Variants in FAM193A observed in about 807,000 individuals in gnomAD.
FAM193A encodes the protein family with sequence similarity 193 member A.
FAM193A carries 22 observed loss-of-function variants against 126.5 expected under a neutral mutation model. That is an observed-to-expected ratio of 0.17 (90% confidence interval 0.12 to 0.25). The LOEUF (loss-of-function observed/expected upper bound fraction) is 0.25, where lower values mean the gene tolerates loss of function less well. Among genes scored for constraint, FAM193A ranks in the 10% least tolerant of loss-of-function variants. The pLI, the probability that FAM193A is intolerant of heterozygous loss-of-function variation, is 1.00. For synonymous variants in FAM193A, 761 were observed against 646.8 expected (o/e 1.18, Z -2.68); for missense variants, 1,675 against 1,672.8 (o/e 1.00, Z -0.02).
intron 20 of FAM193A, among the ~76,000 whole-genome samples, chr4:2,721,369 T>G (rs1224168174): frequency 6.8e-6 from 1 of 146,882 alleles, no homozygotes; most frequent in Non-Finnish European, 1.5e-5. Flanking sequence ...ATGCCTGTAG[T>G]CCCAGCTACT....
chr4:2,630,338 AAAGAT>A (rs1184342068), intron 4 of FAM193A, among the ~76,000 whole-genome samples: 1 of 151,900 alleles, frequency 6.6e-6, no homozygotes, highest in African/African-American at 2.4e-5. Flanking sequence ...GTTAAAAAAA[AAAGAT>A]AAACTGTGTC....
intron 4 of FAM193A, among the ~76,000 whole-genome samples, chr4:2,629,230 A>G (rs1046642327): frequency 1.3e-5 from 2 of 152,050 alleles, no homozygotes; most frequent in Non-Finnish European, 2.9e-5. Context: ...AAAAAAAAAA[A>G]AGAGATCTAA....
chr4:2,632,426 A>G (rs1485497683), intron 5 of FAM193A, among the ~76,000 whole-genome samples: 1 of 152,168 alleles, frequency 6.6e-6, no homozygotes, highest in Non-Finnish European at 1.5e-5. Flanking sequence ...AATTAAATTA[A>G]CCAGGCGTGA....
intron 13 of FAM193A, among the ~76,000 whole-genome samples, chr4:2,672,587 G>T (rs1713947247): frequency 6.6e-6 from 1 of 152,170 alleles, no homozygotes; most frequent in African/African-American, 2.4e-5. Context: ...CAACTGTGAA[G>T]GTCATAGTTC....
chr4:2,541,474 T>G (rs1397532276), intron 1 of FAM193A, among the ~76,000 whole-genome samples: 2 of 146,038 alleles, frequency 1.4e-5, no homozygotes, highest in Non-Finnish European at 3.0e-5. Flanking sequence ...TGAGACAGAG[T>G]CTCGCTCTGT....
chr4:2,693,464 G>A, intron 15 of FAM193A, 122 bp from the exon 16 acceptor site: 2 of 916,508 alleles, frequency 2.2e-6, no homozygotes, highest in East Asian at 2.4e-5. Flanking sequence ...AGAATATTAG[G>A]TCGTGAAGAT....
chr4:2,581,935 G>C (rs1739966933), intron 1 of FAM193A, among the ~76,000 whole-genome samples: 1 of 152,186 alleles, frequency 6.6e-6, no homozygotes, highest in African/African-American at 2.4e-5. Context: ...TTACAGGCGT[G>C]AGCCACCGCA....
chr4:2,698,716 A>G (rs1055001942), intron 18 of FAM193A, among the ~76,000 whole-genome samples: 3 of 152,140 alleles, frequency 2.0e-5, no homozygotes, highest in African/African-American at 7.2e-5. Flanking sequence ...CCTAACACTG[A>G]TGACTCTCAT....
intron 1 of FAM193A, among the ~76,000 whole-genome samples, chr4:2,558,454 T>A (rs745542742): frequency 6.6e-6 from 1 of 152,134 alleles, no homozygotes; most frequent in Non-Finnish European, 1.5e-5. Context: ...CCGTCATAGC[T>A]CACTGCAGCC....
intron 13 of FAM193A, among the ~76,000 whole-genome samples, chr4:2,686,366 T>C (rs1444156495): frequency 6.6e-6 from 1 of 152,216 alleles, no homozygotes; most frequent in Non-Finnish European, 1.5e-5. Flanking sequence ...ACACCCAATA[T>C]GTGCCAGGCC....
chr4:2,711,034 A>G (rs1007882908), intron 19 of FAM193A, among the ~76,000 whole-genome samples: 1 of 149,468 alleles, frequency 6.7e-6, no homozygotes, highest in Non-Finnish European at 1.5e-5. Flanking sequence ...TGTATTTTTT[A>G]GTAGAGACGG....
intron 1 of FAM193A, among the ~76,000 whole-genome samples, chr4:2,574,984 G>T (rs180974273): frequency 1.3e-5 from 2 of 152,202 alleles, no homozygotes; most frequent in East Asian, 3.9e-4. Context: ...CCCTCTGTTG[G>T]CTCACACTCC....
intron 19 of FAM193A, among the ~76,000 whole-genome samples, chr4:2,703,308 G>T (rs562470996): frequency 6.6e-6 from 1 of 152,086 alleles, no homozygotes; most frequent in African/African-American, 2.4e-5. Flanking sequence ...GTGCAATGGC[G>T]CAATCTCGGC....
At chr4:2,605,071 A>G (rs965341985) in intron 2 of FAM193A, among the ~76,000 whole-genome samples, 2 of 151,604 alleles carry the variant, frequency 1.3e-5, no homozygotes, top group African/African-American at 4.8e-5. Context: ...GGCCTCTCCA[A>G]GTGCTGGCAT....
intron 20 of FAM193A, among the ~76,000 whole-genome samples, chr4:2,723,133 G>A (rs545658331): frequency 6.6e-6 from 1 of 152,242 alleles, no homozygotes; most frequent in East Asian, 1.9e-4. Context: ...AATTAGCCGG[G>A]TGTGGTGGCA....
At chr4:2,626,268 C>A in intron 3 of FAM193A, 142 bp from the exon 4 acceptor site, 1 of 620,008 alleles carries the variant, frequency 1.6e-6, no homozygotes. Flanking sequence ...CATCACCCCC[C>A]TGCACTGACA....
At chr4:2,544,933 G>C (rs181237909) in intron 1 of FAM193A, among the ~76,000 whole-genome samples, 2 of 151,784 alleles carry the variant, frequency 1.3e-5, no homozygotes, top group African/African-American at 4.8e-5. Flanking sequence ...TCTCCTTCAT[G>C]GTCGTTTCTA....
intron 20 of FAM193A, among the ~76,000 whole-genome samples, chr4:2,728,447 T>TTA (rs1406437946): frequency 6.6e-6 from 1 of 152,096 alleles, no homozygotes; most frequent in African/African-American, 2.4e-5. Context: ...CCTGTCTCTT[T>TTA]AAATCTTCCA....
chr4:2,621,031 T>G (rs1383455381), intron 2 of FAM193A, among the ~76,000 whole-genome samples: 1 of 151,866 alleles, frequency 6.6e-6, no homozygotes. Flanking sequence ...TATGCCCCAC[T>G]GGGTAGCAGA....
Sources: allele counts gnomAD v4.1 joint callset (sites outside exome capture counted in the v4.1 genomes callset), GRCh38; gene constraint gnomAD v4.1.1; transcripts MANE v1.5; gene names NCBI Gene and HGNC (gene_info 2026-07-23, HGNC 2026-07-21).